The following KCNN3 variants were observed in gnomAD, a reference collection of about 807,000 sequenced individuals.
KCNN3 encodes small conductance calcium-activated potassium channel protein 3.
A neutral mutation model predicts 62.9 loss-of-function variants in KCNN3; 16 were observed. The observed-to-expected ratio is 0.25, with a 90% confidence interval of 0.17 to 0.39. The LOEUF (loss-of-function observed/expected upper bound fraction) is 0.39, where lower values mean the gene tolerates loss of function less well. Ranked by LOEUF, KCNN3 falls within the 10% of genes least tolerant of loss-of-function variation. KCNN3 has a pLI of 1.00. For synonymous variants in KCNN3, 370 were observed against 389.2 expected (o/e 0.95, Z 0.58); for missense variants, 599 against 949.4 (o/e 0.63, Z 4.85).
intron 1 of KCNN3, among the ~76,000 whole-genome samples, chr1:154,848,805 G>T (rs966150147): frequency 6.6e-6 from 1 of 152,072 alleles, no homozygotes; most frequent in Non-Finnish European, 1.5e-5. Context: ...AATATCCGCG[G>T]CAGGCCCTTA....
chr1:154,726,315 G>T (rs536893769), intron 4 of KCNN3, among the ~76,000 whole-genome samples: 1 of 152,154 alleles, frequency 6.6e-6, no homozygotes, highest in South Asian at 2.1e-4. Context: ...GGGTGGCGCC[G>T]AGGCTTTGGG....
chr1:154,833,914 A>G (rs1651477908), intron 1 of KCNN3, among the ~76,000 whole-genome samples: 1 of 152,236 alleles, frequency 6.6e-6, no homozygotes, highest in Non-Finnish European at 1.5e-5. Flanking sequence ...AAACATAAAT[A>G]AAGGGAAATG....
At chr1:154,738,376 A>C (rs1485045974) in intron 3 of KCNN3, among the ~76,000 whole-genome samples, 2 of 152,232 alleles carry the variant, frequency 1.3e-5, no homozygotes, top group Non-Finnish European at 2.9e-5. Context: ...ATTCCAAACC[A>C]GAGACCAGAA....
intron 3 of KCNN3, among the ~76,000 whole-genome samples, chr1:154,738,651 G>C (rs558151702): frequency 6.6e-6 from 1 of 152,344 alleles, no homozygotes; most frequent in East Asian, 1.9e-4. Flanking sequence ...AGGTCAAGAG[G>C]CTCTGGGAGA....
rs1182555704 is a variant in KCNN3 at position 154,869,076 on chromosome 1, C to A, written c.889G>T (p.Val297Phe). ...GAGAGCTCGGTCTCTATCACCATAACAACAATTCCAAACATCCCAAAAATC... is the reference window on the plus strand; with the variant it reads ...GAGAGCTCGGTCTCTATCACCATAAAAACAATTCCAAACATCCCAAAAATC... ...ALIFGMFGIV[V>F]MVIETELSWG... The change falls in exon 1 of 8, where the codon GTT (valine) becomes TTT (phenylalanine). Residue 297 changes from valine to phenylalanine, a missense_variant. By Grantham distance (50) the Val-to-Phe change is conservative. This residue lies in a region of KCNN3 where 288 missense variants were observed against 557.4 expected (regional missense o/e 0.52). Transcript: ENST00000271915. The surrounding 1 kb of genome is among the most constrained non-coding windows in gnomAD (Gnocchi z 6.1). 6.2e-7 allele frequency: 1 copy of A among 1,614,070 alleles called. No individual in the cohort carries two copies. Among genetic ancestry groups the A allele is most frequent in the African/African-American group, 1.3e-5 (1 of 74,906 alleles).
At chr1:154,859,374 C>T (rs1448624279) in intron 1 of KCNN3, among the ~76,000 whole-genome samples, 1 of 152,236 alleles carries the variant, frequency 6.6e-6, no homozygotes, top group Non-Finnish European at 1.5e-5. Context: ...TTGCTGGCAG[C>T]CCAGGAGCAC....
chr1:154,756,530 G>A (rs1034930992), intron 3 of KCNN3, among the ~76,000 whole-genome samples: 6 of 150,822 alleles, frequency 4.0e-5, no homozygotes, highest in Admixed American at 2.0e-4. Flanking sequence ...CCTTCCCCCC[G>A]GCTCCTTGCC....
At chr1:154,783,145 A>G (rs1052452538) in intron 2 of KCNN3, among the ~76,000 whole-genome samples, 2 of 151,770 alleles carry the variant, frequency 1.3e-5, no homozygotes, top group South Asian at 2.1e-4. Flanking sequence ...CCCGGGAGGC[A>G]GAGCTTGCAG....
At chr1:154,848,080 T>A (rs1485514719) in intron 1 of KCNN3, among the ~76,000 whole-genome samples, 1 of 152,130 alleles carries the variant, frequency 6.6e-6, no homozygotes, top group African/African-American at 2.4e-5. Context: ...CGCTGATGAG[T>A]TCCAGAAGGA....
Position 154,700,621 on chromosome 1 carries a change from T to G in KCNN3, c.*7355A>C, listed in dbSNP as rs2101745613. ...ATCGAGACCATCCTGGTTAACATGA[T>G]GAAACCCTGTCTCTACTAAAAATAC... is the stretch of plus-strand genomic sequence containing the variant. On this transcript the variant is annotated 3_prime_UTR_variant, in exon 8 of 8. Coordinates refer to ENST00000271915, the MANE Select transcript of KCNN3 (RefSeq NM_002249.6). The G allele has an allele frequency of 6.6e-6, 1 of 152,204 alleles. No individual in the cohort carries two copies. The highest frequency in any genetic ancestry group is 2.4e-5 in the African/African-American group (1 of 41,510). 9.4% of individuals were successfully genotyped at this position (152,204 alleles called of 1,614,324 possible).
chr1:154,848,872 C>T (rs866129512), intron 1 of KCNN3, among the ~76,000 whole-genome samples: 4 of 152,234 alleles, frequency 2.6e-5, no homozygotes, highest in African/African-American at 7.2e-5. Context: ...CTCAGAGTTA[C>T]GGCAGCCCGA....
chr1:154,746,684 A>C, intron 3 of KCNN3, among the ~76,000 whole-genome samples: 1 of 149,474 alleles, frequency 6.7e-6, no homozygotes, highest in South Asian at 2.1e-4. Context: ...TCTCTCTCCC[A>C]CCCTCCCCTG....
At chr1:154,784,615 C>G (rs1383323116) in intron 2 of KCNN3, among the ~76,000 whole-genome samples, 2 of 152,192 alleles carry the variant, frequency 1.3e-5, no homozygotes, top group East Asian at 3.8e-4. Context: ...CAGAGCCAAT[C>G]CCCAAATGGC....
chr1:154,802,668 C>T (rs72700267), intron 2 of KCNN3, among the ~76,000 whole-genome samples: 10,470 of 152,128 alleles, frequency 0.069, 423 homozygotes, highest in Middle Eastern at 0.12. Context: ...AGGCAAAATA[C>T]AATTTCTACA....
rs1234697909 is a variant in KCNN3 at position 154,704,391 on chromosome 1, C to T, written c.*3585G>A. The stretch of plus-strand genomic sequence containing the variant: ...ATTGATGATGATCATATATATGTGG[C>T]CTTTGATCCAAAGGTGAAGACTTTT... On this transcript the variant is annotated 3_prime_UTR_variant, in exon 8 of 8. Coordinates refer to ENST00000271915, the MANE Select transcript of KCNN3 (RefSeq NM_002249.6). 6.6e-6 allele frequency: 1 copy of T among 152,108 alleles called. No individual in the cohort carries two copies. The highest frequency in any genetic ancestry group is 1.5e-5 in the Non-Finnish European group (1 of 68,030). The allele number at this position is 152,108 out of a possible 1,614,324, so 9.4% of individuals were successfully genotyped here.
intron 1 of KCNN3, among the ~76,000 whole-genome samples, chr1:154,853,355 A>C (rs894132726): frequency 6.6e-6 from 1 of 151,144 alleles, no homozygotes; most frequent in African/African-American, 2.4e-5. Context: ...TTTTTGTTTG[A>C]GACCAGGTCT....
At chr1:154,749,469 C>T (rs1571236207) in intron 3 of KCNN3, among the ~76,000 whole-genome samples, 1 of 152,332 alleles carries the variant, frequency 6.6e-6, no homozygotes, top group East Asian at 1.9e-4. Flanking sequence ...CAAAGAGGAA[C>T]AGCACAGAAC....
rs892065601 is a variant in KCNN3 at position 154,778,875 on chromosome 1, T to C, written c.1030-6482A>G. ...CCTTGGCCTCCCAAAGTGCTGGGAT[T>C]ACACGTATGAGCCACCACGCCTGGC... On this transcript the variant is annotated intron_variant, in intron 2 of 7. Transcript: ENST00000271915. Among the ~76,000 whole-genome samples, 5 of 152,276 alleles carry C rather than the reference T, an allele frequency of 3.3e-5. No homozygotes were observed. In the East Asian group the frequency reaches 9.7e-4, roughly 29 times the overall value.
chr1:154,720,261 C>A (rs1700319268), intron 5 of KCNN3, among the ~76,000 whole-genome samples: 1 of 152,202 alleles, frequency 6.6e-6, no homozygotes, highest in African/African-American at 2.4e-5. Context: ...GTCCTTCCAG[C>A]TTAAACGCAC....
Sources: gnomAD v4.1 joint callset for allele counts (sites outside exome capture counted in the v4.1 genomes callset) on GRCh38, gnomAD v4.1.1 for gene constraint, gnomAD v4.1.1 regional missense constraint, Gnocchi (gnomAD v3.1) non-coding constraint, MANE v1.5 for transcripts, NCBI Gene and HGNC (gene_info 2026-07-23, HGNC 2026-07-21) for gene names.